RABGAP1L: variants seen among roughly 807,000 people sequenced by gnomAD.
The protein encoded by RABGAP1L is RAB GTPase activating protein 1 like.
Under a neutral mutation model 137.7 loss-of-function variants are expected in RABGAP1L, and 63 were observed. That is an observed-to-expected ratio of 0.46 (90% CI 0.37 to 0.56). RABGAP1L has a LOEUF of 0.56. Ranked by LOEUF, RABGAP1L falls within the 20% of genes least tolerant of loss-of-function variation. The pLI is 0.00. For missense variants in RABGAP1L, 1,095 were observed against 1,244.0 expected (o/e 0.88, Z 1.80); for synonymous variants, 431 against 433.7 (o/e 0.99, Z 0.08).
At chr1:174,570,041 A>G (rs534649279) in intron 13 of RABGAP1L, among the ~76,000 whole-genome samples, 2 of 152,292 alleles carry the variant, frequency 1.3e-5, no homozygotes, top group African/African-American at 4.8e-5. Flanking sequence ...AACCATTGAT[A>G]TAAGGTAAGT....
At chr1:174,227,264 G>A (rs536238572) in intron 3 of RABGAP1L, among the ~76,000 whole-genome samples, 2 of 147,874 alleles carry the variant, frequency 1.4e-5, no homozygotes, top group East Asian at 2.0e-4. Context: ...GCAATGGCAC[G>A]ATCTCAGCTC....
intron 11 of RABGAP1L, among the ~76,000 whole-genome samples, chr1:174,323,021 TA>T (rs1391034561): frequency 2.0e-5 from 3 of 152,046 alleles, no homozygotes; most frequent in Non-Finnish European, 2.9e-5. Context: ...TGAGAGAGAA[TA>T]AAATTGGTAA....
At chr1:174,433,427 G>A (rs1652871305) in intron 13 of RABGAP1L, among the ~76,000 whole-genome samples, 2 of 152,294 alleles carry the variant, frequency 1.3e-5, no homozygotes, top group South Asian at 2.1e-4. Context: ...CCACTAAGAA[G>A]GTGGTAAATA....
At chr1:174,548,606 G>A in intron 13 of RABGAP1L, 1 of 951,620 alleles carries the variant, frequency 1.1e-6, no homozygotes, top group Non-Finnish European at 1.3e-6. Context: ...GAAATTTGCA[G>A]AGGGCTTCTG....
intron 19 of RABGAP1L, among the ~76,000 whole-genome samples, chr1:174,925,712 A>G (rs1264252478): frequency 6.6e-6 from 1 of 152,122 alleles, no homozygotes; most frequent in Admixed American, 6.5e-5. Context: ...TTTCATAAAG[A>G]TGAAAATGTT....
chr1:174,499,604 T>C (rs1184190187), intron 13 of RABGAP1L, among the ~76,000 whole-genome samples: 1 of 152,206 alleles, frequency 6.6e-6, no homozygotes, highest in Non-Finnish European at 1.5e-5. Flanking sequence ...TACCTTGGGC[T>C]ACCATTCCGA....
intron 13 of RABGAP1L, among the ~76,000 whole-genome samples, chr1:174,395,803 A>G (rs1342562700): frequency 6.7e-6 from 1 of 148,944 alleles, no homozygotes; most frequent in Non-Finnish European, 1.5e-5. Flanking sequence ...TAGCCACTAC[A>G]CTTTGGCTTG....
intron 19 of RABGAP1L, among the ~76,000 whole-genome samples, chr1:174,894,708 A>G (rs1381477575): frequency 6.6e-6 from 1 of 151,498 alleles, no homozygotes; most frequent in Non-Finnish European, 1.5e-5. Context: ...TGTCGAGACT[A>G]GAACCAAGTT....
intron 13 of RABGAP1L, among the ~76,000 whole-genome samples, chr1:174,547,128 CAT>C (rs1666084463): frequency 6.8e-6 from 1 of 147,902 alleles, no homozygotes; most frequent in Non-Finnish European, 1.5e-5. Context: ...TGAGTTTTGA[CAT>C]AGAGATTTAA....
chr1:174,480,689 T>G (rs1034681737), intron 13 of RABGAP1L, among the ~76,000 whole-genome samples: 2 of 152,198 alleles, frequency 1.3e-5, no homozygotes, highest in Non-Finnish European at 2.9e-5. Context: ...ATGTAGTTAG[T>G]GCTATGTGAG....
At chr1:174,383,064 G>C (rs1289497067) in intron 12 of RABGAP1L, among the ~76,000 whole-genome samples, 1 of 150,000 alleles carries the variant, frequency 6.7e-6, no homozygotes, top group Non-Finnish European at 1.5e-5. Context: ...AGGTGTCAGT[G>C]TGCCCCTGCT....
At chr1:174,297,480 C>T (rs1220062283) in intron 10 of RABGAP1L, among the ~76,000 whole-genome samples, 1 of 152,184 alleles carries the variant, frequency 6.6e-6, no homozygotes, top group Admixed American at 6.5e-5. Flanking sequence ...GCGAACTTCT[C>T]GAGTTCCACT....
intron 13 of RABGAP1L, among the ~76,000 whole-genome samples, chr1:174,468,977 G>A (rs12059051): frequency 0.12 from 18,591 of 152,158 alleles, 3,832 homozygotes; most frequent in African/African-American, 0.42. Context: ...GAATATTTCT[G>A]GGGGTTTATG....
chr1:174,808,269 G>A (rs1689521486), intron 18 of RABGAP1L, among the ~76,000 whole-genome samples: 1 of 152,042 alleles, frequency 6.6e-6, no homozygotes, highest in Non-Finnish European at 1.5e-5. Flanking sequence ...TTACAGGCAT[G>A]AGCTACCGTG....
chr1:174,343,154 C>T (rs891835651), intron 11 of RABGAP1L, among the ~76,000 whole-genome samples: 2 of 152,310 alleles, frequency 1.3e-5, no homozygotes, highest in South Asian at 4.1e-4. Context: ...TAAACGATTT[C>T]TCCCTCTTTA....
Position 174,761,869 on chromosome 1 carries a change from C to T in RABGAP1L, c.2211+9515C>T, listed in dbSNP as rs1039749379. Among the ~76,000 whole-genome samples the T allele has an allele frequency of 6.6e-6, 1 of 151,874 alleles. No individual in the cohort carries two copies. The highest frequency in any genetic ancestry group is 2.4e-5 in the African/African-American group (1 of 41,308). On this transcript the variant is annotated intron_variant, in intron 18 of 25. Coordinates refer to ENST00000681986, the MANE Select transcript of RABGAP1L (RefSeq NM_001366446.1). This position sits in a 1 kb window ranked among gnomAD's most constrained non-coding sequence, Gnocchi z 4.0. Reference sequence around the variant, plus strand: ...GGGTGGGGACACAGCCAAACCATATCAACAATAAACATAATAAATATATAA... The same window carrying T: ...GGGTGGGGACACAGCCAAACCATATTAACAATAAACATAATAAATATATAA...
At chr1:174,216,429 C>T (rs1274716572) in intron 1 of RABGAP1L, among the ~76,000 whole-genome samples, 3 of 151,806 alleles carry the variant, frequency 2.0e-5, no homozygotes, top group African/African-American at 7.3e-5. Context: ...TACACATGTA[C>T]CCACAAAAAT....
At chr1:174,560,471 C>T (rs1667140450) in intron 13 of RABGAP1L, among the ~76,000 whole-genome samples, 1 of 152,160 alleles carries the variant, frequency 6.6e-6, no homozygotes, top group South Asian at 2.1e-4. Flanking sequence ...AGAATAGGGG[C>T]AGGGGAATCT....
intron 17 of RABGAP1L, among the ~76,000 whole-genome samples, chr1:174,722,986 A>T (rs1436668959): frequency 6.6e-6 from 1 of 152,196 alleles, no homozygotes; most frequent in African/African-American, 2.4e-5. Context: ...ACTGATGAAC[A>T]TTTTCAAAAG....
Sources: allele counts gnomAD v4.1 joint callset (sites outside exome capture counted in the v4.1 genomes callset), GRCh38; gene constraint gnomAD v4.1.1; non-coding constraint Gnocchi (gnomAD v3.1); transcripts MANE v1.5; gene names NCBI Gene and HGNC (gene_info 2026-07-23, HGNC 2026-07-21).